Variants in GLRB observed in about 807,000 individuals in gnomAD.
GLRB encodes the protein glycine receptor subunit beta.
GLRB carries 33 observed loss-of-function variants against 54.2 expected under a neutral mutation model. The ratio of observed to expected loss-of-function variants is 0.61; its 90% CI spans 0.46 to 0.81. GLRB has a LOEUF of 0.81. Ranked by LOEUF, GLRB falls within the 40% of genes least tolerant of loss-of-function variation. GLRB has a pLI of 0.00. For missense variants in GLRB, 572 were observed against 584.6 expected (o/e 0.98, Z 0.22); for synonymous variants, 209 against 208.2 (o/e 1.00, Z -0.03).
intron 2 of GLRB, chr4:157,084,592 T>A: frequency 2.2e-6 from 1 of 456,206 alleles, no homozygotes. Flanking sequence ...TGTTAGTTTT[T>A]TCATAAACTA....
chr4:157,098,144 A>G (rs754934572), intron 2 of GLRB, among the ~76,000 whole-genome samples: 3 of 152,188 alleles, frequency 2.0e-5, no homozygotes, highest in Non-Finnish European at 2.9e-5. Context: ...CATAATATAA[A>G]TGGAGTAATA....
chr4:157,138,948 G>A lies in GLRB; in HGVS notation c.750G>A (p.Thr250=), dbSNP rs758271072. The change falls in exon 7 of 10, where the codon ACG becomes ACA. Residue 250 remains threonine (T), a splice_region_variant and synonymous_variant. Transcript: ENST00000264428. ...YGNCTKYYKG[T]GYYTCVEVIF... ...ACTGTACAAAATACTATAAAGGCACGGGTAAGTAATATTCTTTAAATAAAA... is the reference window on the plus strand; with the variant it reads ...ACTGTACAAAATACTATAAAGGCACAGGTAAGTAATATTCTTTAAATAAAA... 24 of 1,373,342 alleles carry A rather than the reference G, an allele frequency of 1.7e-5. No homozygotes were observed. Among genetic ancestry groups the A allele is most frequent in the Admixed American group, 3.4e-5 (2 of 59,552 alleles). 85.1% of individuals were successfully genotyped at this position (1,373,342 alleles called of 1,614,324 possible).
At chr4:157,143,579 T>G (rs187692001) in intron 7 of GLRB, among the ~76,000 whole-genome samples, 1 of 152,324 alleles carries the variant, frequency 6.6e-6, no homozygotes, top group Admixed American at 6.5e-5. Context: ...GGGATCTATT[T>G]CTCAATGTCA....
chr4:157,078,132 G>T lies in GLRB; in HGVS notation c.108G>T (p.Gln36His). 3 of 1,612,252 alleles carry T rather than the reference G, an allele frequency of 1.9e-6. No individual in the cohort carries two copies. Among genetic ancestry groups the T allele is most frequent in the Non-Finnish European group, 1.7e-6 (2 of 1,178,584 alleles). Residue 36 changes from glutamine to histidine, a missense_variant, in exon 2 of 10, where the codon CAG (glutamine) becomes CAT (histidine). Physicochemically the swap from Gln to His is conservative, Grantham distance 24. Transcript: ENST00000264428. The stretch of plus-strand genomic sequence containing the variant: ...AGAAAGGGAAGGGGAAAAAGAAGCA[G>T]TATCTATGCCCATCGTATGTTCTTC... ...SSKKGKGKKKQYLCPSQQSAE... is the reference protein window; with the variant it reads ...SSKKGKGKKKHYLCPSQQSAE...
chr4:157,159,696 G>T (rs1328710285), intron 9 of GLRB, among the ~76,000 whole-genome samples: 1 of 152,154 alleles, frequency 6.6e-6, no homozygotes, highest in East Asian at 1.9e-4. Flanking sequence ...TGTGATCATG[G>T]TGGATAACCT....
At chr4:157,150,493 C>G (rs1211522833) in intron 8 of GLRB, among the ~76,000 whole-genome samples, 1 of 152,026 alleles carries the variant, frequency 6.6e-6, no homozygotes, top group Non-Finnish European at 1.5e-5. Flanking sequence ...TCTGTTTCTT[C>G]AATCAGTCCC....
intron 2 of GLRB, among the ~76,000 whole-genome samples, chr4:157,099,698 T>TA (rs1734946298): frequency 6.6e-6 from 1 of 152,164 alleles, no homozygotes; most frequent in African/African-American, 2.4e-5. Flanking sequence ...GTTGGGCACA[T>TA]ATCCAAGAGT....
intron 2 of GLRB, among the ~76,000 whole-genome samples, chr4:157,092,435 G>A (rs1192683466): frequency 6.6e-6 from 1 of 152,182 alleles, no homozygotes; most frequent in Non-Finnish European, 1.5e-5. Context: ...CTATGTTTGT[G>A]ATAGTAGAAC....
At chr4:157,150,171 A>G (rs751240319) in intron 8 of GLRB, among the ~76,000 whole-genome samples, 1 of 152,206 alleles carries the variant, frequency 6.6e-6, no homozygotes, top group Middle Eastern at 3.4e-3. Context: ...GATATATGCT[A>G]TATAAGGCTA....
chr4:157,115,470 C>A (rs564130846), intron 2 of GLRB, among the ~76,000 whole-genome samples: 6 of 151,790 alleles, frequency 4.0e-5, no homozygotes, highest in African/African-American at 9.6e-5. Context: ...GAAAGGGAAT[C>A]TTCCATCTAA....
Position 157,136,966 on chromosome 4 carries a change from A to C in GLRB, c.610+80A>C, listed in dbSNP as rs936875665. ...GTAATACATTCTACTGACATCTTAG[A>C]CAACAGTGGTAAAACTAGTGCTTTG... On this transcript the variant is annotated intron_variant, in intron 6 of 9. Coordinates refer to ENST00000264428, the MANE Select transcript of GLRB (RefSeq NM_000824.5). 3 of 829,892 alleles carry C rather than the reference A, an allele frequency of 3.6e-6. No homozygotes were observed. The South Asian group carries it at 4.2e-5, about 12-fold the overall frequency. The allele number at this position is 829,892 out of a possible 1,614,324, so 51.4% of individuals were successfully genotyped here. A position where few individuals can be genotyped will look rare whatever the true frequency, so the allele number is the denominator to read the frequency against.
intron 2 of GLRB, among the ~76,000 whole-genome samples, chr4:157,098,392 G>A (rs1734891013): frequency 1.3e-5 from 2 of 152,252 alleles, no homozygotes; most frequent in Non-Finnish European, 2.9e-5. Flanking sequence ...TGCTCTGATT[G>A]TAAGATCTAT....
intron 2 of GLRB, among the ~76,000 whole-genome samples, chr4:157,103,162 A>C (rs79936821): frequency 0.049 from 7,449 of 151,726 alleles, 273 homozygotes; most frequent in African/African-American, 0.1. Context: ...AAAAACAAAA[A>C]AAAAAAAAAA....
At chr4:157,081,614 T>C (rs1233887813) in intron 2 of GLRB, among the ~76,000 whole-genome samples, 1 of 152,196 alleles carries the variant, frequency 6.6e-6, no homozygotes, top group Non-Finnish European at 1.5e-5. Flanking sequence ...TCAAATTCAG[T>C]AGTCACCAGA....
At chr4:157,149,008 G>T (rs1736920256) in intron 8 of GLRB, among the ~76,000 whole-genome samples, 1 of 152,014 alleles carries the variant, frequency 6.6e-6, no homozygotes, top group South Asian at 2.1e-4. Flanking sequence ...AAAAGAAAAG[G>T]AAATAATACT....
At chr4:157,153,978 T>C (rs1737127142) in intron 9 of GLRB, among the ~76,000 whole-genome samples, 1 of 152,196 alleles carries the variant, frequency 6.6e-6, no homozygotes, top group Non-Finnish European at 1.5e-5. Flanking sequence ...ACCATGCTTG[T>C]ATGGTGCTGC....
At chr4:157,119,593 T>G (rs4373203) in intron 2 of GLRB, among the ~76,000 whole-genome samples, 26 of 151,676 alleles carry the variant, frequency 1.7e-4, no homozygotes, top group Non-Finnish European at 1.8e-4. Context: ...GTAAAGTTAA[T>G]TGTTAAAATA....
Position 157,140,489 on chromosome 4 carries a change from A to G in GLRB, c.751+1540A>G, listed in dbSNP as rs191260602. ...GTTCTTAGAGATTTTTGAGACTGTCATATAAGAACACGTACTTAGTAGATA... is the reference window on the plus strand; with the variant it reads ...GTTCTTAGAGATTTTTGAGACTGTCGTATAAGAACACGTACTTAGTAGATA... On this transcript the variant is annotated intron_variant, in intron 7 of 9. Coordinates refer to ENST00000264428, the MANE Select transcript of GLRB (RefSeq NM_000824.5). Among the ~76,000 whole-genome samples the G allele has an allele frequency of 7.5e-3, 1,139 of 152,072 alleles. 10 individuals are homozygous for G. The highest frequency in any genetic ancestry group is 0.013 in the Non-Finnish European group (848 of 67,838).
At chr4:157,159,592 A>G (rs576316307) in intron 9 of GLRB, among the ~76,000 whole-genome samples, 13 of 152,254 alleles carry the variant, frequency 8.5e-5, no homozygotes, top group African/African-American at 2.6e-4. Context: ...TGAGATAATC[A>G]TCTGGTTTTT....
Sources: gnomAD v4.1 joint callset for allele counts (sites outside exome capture counted in the v4.1 genomes callset) on GRCh38, gnomAD v4.1.1 for gene constraint, MANE v1.5 for transcripts, NCBI Gene and HGNC (gene_info 2026-07-23, HGNC 2026-07-21) for gene names.